ANO6: variants seen among roughly 807,000 people sequenced by gnomAD.
ANO6 encodes the protein anoctamin-6.
A neutral mutation model predicts 117.5 loss-of-function variants in ANO6; 106 were observed. The observed-to-expected ratio is 0.90, with a 90% CI of 0.77 to 1.06. The LOEUF (loss-of-function observed/expected upper bound fraction) is 1.06. Among genes scored for constraint, ANO6 ranks in the 50% least tolerant of loss-of-function variants. The pLI is 0.00. For missense variants in ANO6, 955 were observed against 1,121.1 expected, an observed-to-expected ratio of 0.85 and a Z score of 2.12; for synonymous variants, 367 against 385.1, an observed-to-expected ratio of 0.95 and a Z score of 0.55.
intron 1 of ANO6, among the ~76,000 whole-genome samples, chr12:45,237,294 C>A (rs1378950270): frequency 6.6e-6 from 1 of 152,150 alleles, no homozygotes; most frequent in African/African-American, 2.4e-5. Flanking sequence ...ACATGAAGTC[C>A]TTGCTGATGC....
At chr12:45,394,203 C>T (rs765707973) in intron 12 of ANO6, among the ~76,000 whole-genome samples, 3 of 152,088 alleles carry the variant, frequency 2.0e-5, no homozygotes, top group Non-Finnish European at 4.4e-5. Flanking sequence ...ATCCTAGTCT[C>T]TCATAAAGCA....
chr12:45,432,922 C>T (rs1393167202), downstream of ANO6, among the ~76,000 whole-genome samples: 1 of 152,226 alleles, frequency 6.6e-6, no homozygotes, highest in Non-Finnish European at 1.5e-5. Context: ...CCACACCCTG[C>T]CCCTGCTATC....
At position 45,426,440 on chromosome 12, in the gene ANO6, C is replaced by T. The variant is rs550071773; in HGVS notation, c.2527-2665C>T. On this transcript the variant is annotated intron_variant, in intron 19 of 19. Coordinates refer to ENST00000320560, the MANE Select transcript of ANO6 (RefSeq NM_001025356.3). ...CTTCTCTTTTCCTCTTTGTGGCCAG[C>T]GCCGTTGAATGAGTTGCCAGTACAT... 2.6e-5 allele frequency among the ~76,000 whole-genome samples: 4 copies of T among 152,262 alleles called. No individual in the cohort carries two copies. In the South Asian group the frequency reaches 6.2e-4, roughly 24 times the overall value.
At chr12:45,317,132 T>TATATATATATATATA in intron 2 of ANO6, among the ~76,000 whole-genome samples, 1 of 107,292 alleles carries the variant, frequency 9.3e-6, no homozygotes, top group South Asian at 2.9e-4. Context: ...TATATATATA[T>TATATATATATATATA]TTATTATACT....
chr12:45,336,725 CTATAA>C (rs981353294), intron 3 of ANO6, among the ~76,000 whole-genome samples: 5 of 152,052 alleles, frequency 3.3e-5, no homozygotes, highest in East Asian at 1.9e-4. Flanking sequence ...GTTTACTATA[CTATAA>C]TATATTTTAA....
rs545162540 is a variant in ANO6 at position 45,393,808 on chromosome 12, C to G, written c.1386+3310C>G. On this transcript the variant is annotated intron_variant, in intron 12 of 19. Transcript: ENST00000320560. Reference sequence around the variant, plus strand: ...ACAAGCAAATGCTGAGACATTTTGTCACCACCAGGCCTGCCTTACAAGAGC... The same window carrying G: ...ACAAGCAAATGCTGAGACATTTTGTGACCACCAGGCCTGCCTTACAAGAGC... Among the ~76,000 whole-genome samples, 9 of 152,284 alleles carry G rather than the reference C, an allele frequency of 5.9e-5. No individual in the cohort carries two copies. In the South Asian group the frequency reaches 1.9e-3, roughly 32 times the overall value.
intron 19 of ANO6, among the ~76,000 whole-genome samples, chr12:45,427,446 T>G (rs1297511822): frequency 6.6e-6 from 1 of 152,170 alleles, no homozygotes; most frequent in Non-Finnish European, 1.5e-5. Flanking sequence ...TTACCTAGAA[T>G]GTCTTTTCTT....
intron 15 of ANO6, among the ~76,000 whole-genome samples, chr12:45,403,975 T>C (rs560365311): frequency 2.0e-5 from 3 of 152,286 alleles, no homozygotes; most frequent in South Asian, 2.1e-4. Flanking sequence ...TATATATATA[T>C]ACATCATTTA....
downstream of ANO6, among the ~76,000 whole-genome samples, chr12:45,435,379 C>T (rs1160832559): frequency 6.6e-6 from 1 of 152,210 alleles, no homozygotes; most frequent in Non-Finnish European, 1.5e-5. Context: ...CTCAGTGCAG[C>T]CCAGTTTCTG....
At chr12:45,350,826 C>A in intron 7 of ANO6, 52 bp downstream of exon 7, 1 of 1,411,982 alleles carries the variant, frequency 7.1e-7, no homozygotes, top group Non-Finnish European at 9.9e-7. Context: ...GTGTTACCCC[C>A]ACAGCATCTG....
At chr12:45,348,875 T>C (rs776285073) in intron 6 of ANO6, among the ~76,000 whole-genome samples, 1 of 152,222 alleles carries the variant, frequency 6.6e-6, no homozygotes, top group Non-Finnish European at 1.5e-5. Context: ...TCACAGTTAA[T>C]GTGTAAAGCA....
intron 1 of ANO6, among the ~76,000 whole-genome samples, chr12:45,241,806 C>G (rs532040168): frequency 6.6e-6 from 1 of 152,280 alleles, no homozygotes; most frequent in Admixed American, 6.5e-5. Flanking sequence ...CTAACAGGTC[C>G]CTTAGCTGCA....
intron 1 of ANO6, chr12:45,292,847 G>A (rs2137281224): frequency 6.5e-7 from 1 of 1,542,484 alleles, no homozygotes; most frequent in South Asian, 1.2e-5. Flanking sequence ...TGTCACTTAA[G>A]GTAGAGGTAG....
intron 7 of ANO6, among the ~76,000 whole-genome samples, chr12:45,352,870 A>C (rs1053099782): frequency 1.3e-5 from 2 of 152,186 alleles, no homozygotes; most frequent in African/African-American, 4.8e-5. Context: ...CAATCTCTCA[A>C]ATTTCTTCTG....
chr12:45,340,069 T>C (rs1940937895), intron 3 of ANO6, among the ~76,000 whole-genome samples: 1 of 152,138 alleles, frequency 6.6e-6, no homozygotes, highest in Non-Finnish European at 1.5e-5. Flanking sequence ...ACTGTGTAAT[T>C]CGCAAGTAAG....
chr12:45,229,390 GTTT>G (rs11422062), intron 1 of ANO6, among the ~76,000 whole-genome samples: 1 of 127,338 alleles, frequency 7.9e-6, no homozygotes. Flanking sequence ...TTTATTTTTA[GTTT>G]TTTTTTTTTT....
At chr12:45,312,001 G>C (rs1370630512) in intron 2 of ANO6, among the ~76,000 whole-genome samples, 1 of 151,930 alleles carries the variant, frequency 6.6e-6, no homozygotes, top group South Asian at 2.1e-4. Flanking sequence ...ATATAACAGT[G>C]TTCATTCTAC....
At chr12:45,306,418 G>C (rs1275159113) in intron 2 of ANO6, among the ~76,000 whole-genome samples, 5 of 152,078 alleles carry the variant, frequency 3.3e-5, no homozygotes, top group Non-Finnish European at 5.9e-5. Flanking sequence ...ATTTAGAAAG[G>C]CTAAATAGAA....
At chr12:45,235,222 AT>A (rs948147838) in intron 1 of ANO6, among the ~76,000 whole-genome samples, 1 of 152,176 alleles carries the variant, frequency 6.6e-6, no homozygotes, top group African/African-American at 2.4e-5. Context: ...GTGCCTACAG[AT>A]TTAGTGACAG....
Sources: gnomAD v4.1 joint callset for allele counts (sites outside exome capture counted in the v4.1 genomes callset) on GRCh38, gnomAD v4.1.1 for gene constraint, MANE v1.5 for transcripts, NCBI Gene and HGNC (gene_info 2026-07-23, HGNC 2026-07-21) for gene names.